Variants in PKIB observed in about 807,000 individuals in gnomAD.
PKIB encodes PKI-beta.
Under a neutral mutation model 4.5 loss-of-function variants are expected in PKIB, and 2 were observed. That is an observed-to-expected ratio of 0.44 (90% confidence interval 0.18 to 1.39). PKIB has a LOEUF of 1.39. Among genes scored for constraint, PKIB ranks in the 40% most tolerant of loss-of-function variants. The pLI is 0.27. For missense variants in PKIB, 94 were observed against 92.6 expected (o/e 1.02, Z -0.06); for synonymous variants, 38 against 36.0 (o/e 1.06, Z -0.20).
intron 1 of PKIB, among the ~76,000 whole-genome samples, chr6:122,613,507 A>C (rs1774850604): frequency 6.6e-6 from 1 of 152,150 alleles, no homozygotes; most frequent in Admixed American, 6.5e-5. Flanking sequence ...CCCCATTAGT[A>C]CATGTTCCTC....
upstream of PKIB, chr6:122,610,143 G>A (rs1267801894): frequency 6.6e-6 from 1 of 152,246 alleles, no homozygotes; most frequent in African/African-American, 2.4e-5. Context: ...TGGCGGGCGG[G>A]GAGGACGCGG....
intron 2 of PKIB, among the ~76,000 whole-genome samples, chr6:122,563,156 TC>T (rs1773081783): frequency 6.6e-6 from 1 of 152,150 alleles, no homozygotes; most frequent in African/African-American, 2.4e-5. Context: ...CATGGGGTGT[TC>T]CCTTGATGTA....
intron 2 of PKIB, among the ~76,000 whole-genome samples, chr6:122,663,865 T>C (rs1777112260): frequency 6.6e-6 from 1 of 152,180 alleles, no homozygotes; most frequent in Admixed American, 6.5e-5. Context: ...TAACACCATA[T>C]CTGTATTTGT....
chr6:122,632,055 G>A (rs563501744), intron 1 of PKIB, among the ~76,000 whole-genome samples: 1 of 152,348 alleles, frequency 6.6e-6, no homozygotes, highest in African/African-American at 2.4e-5. Flanking sequence ...GGTGAGAAAT[G>A]TCATAACCCC....
At chr6:122,585,605 A>C (rs1227968615) in intron 2 of PKIB, 1 of 152,180 alleles carries the variant, frequency 6.6e-6, no homozygotes, top group Admixed American at 6.5e-5. Flanking sequence ...TAAATTCAAC[A>C]GTCTAAAGCT....
intron 2 of PKIB, among the ~76,000 whole-genome samples, chr6:122,501,511 C>T (rs879391331): frequency 2.6e-5 from 4 of 152,324 alleles, no homozygotes; most frequent in African/African-American, 4.8e-5. Context: ...CACATGGAAA[C>T]CACCAAGGCT....
chr6:122,584,286 T>C (rs1272995554), intron 2 of PKIB, among the ~76,000 whole-genome samples: 1 of 152,124 alleles, frequency 6.6e-6, no homozygotes, highest in East Asian at 1.9e-4. Flanking sequence ...TTTTTTCTTA[T>C]CTCATGGTAA....
intron 2 of PKIB, among the ~76,000 whole-genome samples, chr6:122,530,605 A>G (rs1777227074): frequency 6.6e-6 from 1 of 152,144 alleles, no homozygotes; most frequent in Admixed American, 6.6e-5. Flanking sequence ...GAGCCTAGCT[A>G]GAAGTGAAAG....
intron 2 of PKIB, among the ~76,000 whole-genome samples, chr6:122,506,731 G>A (rs1776413633): frequency 7.6e-6 from 1 of 130,720 alleles, no homozygotes; most frequent in Non-Finnish European, 1.5e-5. Flanking sequence ...ACGGAGTCTC[G>A]CTCTGTGGCC....
intron 1 of PKIB, among the ~76,000 whole-genome samples, chr6:122,475,102 C>A (rs138324776): frequency 6.6e-6 from 1 of 152,040 alleles, no homozygotes; most frequent in Non-Finnish European, 1.5e-5. Flanking sequence ...GGCCTGATCT[C>A]GGCTCACTGC....
chr6:122,536,934 T>G (rs1301331298), intron 2 of PKIB, among the ~76,000 whole-genome samples: 1 of 151,042 alleles, frequency 6.6e-6, no homozygotes, highest in Admixed American at 6.6e-5. Context: ...AACCTCAAAT[T>G]TTGCTTGGGA....
chr6:122,584,506 G>T (rs1223772999), intron 2 of PKIB, among the ~76,000 whole-genome samples: 1 of 152,096 alleles, frequency 6.6e-6, no homozygotes, highest in Non-Finnish European at 1.5e-5. Flanking sequence ...TAACTACCTA[G>T]TGGGATTCTT....
intron 3 of PKIB, among the ~76,000 whole-genome samples, chr6:122,597,407 A>G (rs117018331): frequency 0.019 from 2,919 of 152,332 alleles, 38 homozygotes; most frequent in South Asian, 0.035. Context: ...GGGATTTACC[A>G]AGTCAATGGC....
chr6:122,476,327 A>C (rs1775451326), intron 1 of PKIB, among the ~76,000 whole-genome samples: 2 of 152,216 alleles, frequency 1.3e-5, no homozygotes, highest in Admixed American at 1.3e-4. Context: ...ACAGTAACCC[A>C]TAGGGGTCAG....
intron 1 of PKIB, among the ~76,000 whole-genome samples, chr6:122,616,911 G>A (rs1000648279): frequency 6.6e-6 from 1 of 152,094 alleles, no homozygotes; most frequent in African/African-American, 2.4e-5. Flanking sequence ...AGACGAGTAG[G>A]CAAAGAGAGT....
chr6:122,613,863 C>T (rs573912145), intron 1 of PKIB, among the ~76,000 whole-genome samples: 10 of 146,420 alleles, frequency 6.8e-5, no homozygotes, highest in Admixed American at 4.2e-4. Context: ...TTTGGGAGGC[C>T]GAGGTAGGAG....
chr6:122,534,688 C>T (rs896276046), intron 2 of PKIB, among the ~76,000 whole-genome samples: 1 of 151,986 alleles, frequency 6.6e-6, no homozygotes, highest in African/African-American at 2.4e-5. Flanking sequence ...AATTATCTCG[C>T]TATTTTGCCC....
At chr6:122,490,000 G>A (rs1414920654) in intron 2 of PKIB, among the ~76,000 whole-genome samples, 1 of 152,162 alleles carries the variant, frequency 6.6e-6, no homozygotes, top group Non-Finnish European at 1.5e-5. Context: ...AATGTCATGT[G>A]CTTTTGATAG....
intron 3 of PKIB, among the ~76,000 whole-genome samples, chr6:122,595,575 C>T (rs1013251500): frequency 3.9e-5 from 6 of 152,166 alleles, no homozygotes; most frequent in Admixed American, 3.3e-4. Context: ...GAGGACAAAC[C>T]TCTGCCCTTT....
Sources: gnomAD v4.1 joint callset for allele counts (sites outside exome capture counted in the v4.1 genomes callset) on GRCh38, gnomAD v4.1.1 for gene constraint, MANE v1.5 for transcripts, NCBI Gene and HGNC (gene_info 2026-07-23, HGNC 2026-07-21) for gene names.